The following DCAF6 variants were observed in gnomAD, a reference collection of about 807,000 sequenced individuals.
DCAF6 encodes the protein DDB1- and CUL4-associated factor 6.
Under a neutral mutation model 125.1 loss-of-function variants are expected in DCAF6, and 54 were observed. The observed-to-expected ratio is 0.43, with a 90% CI of 0.35 to 0.54. The LOEUF is 0.54. DCAF6 is among the 20% of genes least tolerant of loss of function. The pLI, the probability that DCAF6 is intolerant of heterozygous loss-of-function variation, is 0.01. For synonymous variants in DCAF6, 371 were observed against 390.4 expected, an observed-to-expected ratio of 0.95 and a Z score of 0.58; for missense variants, 934 against 1,161.7, an observed-to-expected ratio of 0.80 and a Z score of 2.85.
At position 168,002,573 on chromosome 1, in the gene DCAF6, A is replaced by G. The variant is rs761628731; in HGVS notation, c.995A>G (p.Asp332Gly). The change falls in exon 8 of 22, where the codon GAT (aspartate) becomes GGT (glycine). Residue 332 changes from aspartate to glycine, a missense_variant and splice_region_variant. Physicochemically the swap from Asp to Gly is moderately conservative, Grantham distance 94. Transcript: ENST00000367840. ...AGGCCGGAGAGTGAACGAGAACGAG[A>G]TGGTAACTATACTTTGGTCAGCTTT... ...RARPESERER[D>G]GEQSPNVSLM... 1 of 1,611,836 alleles carries G rather than the reference A, an allele frequency of 6.2e-7. No homozygotes were observed. Among genetic ancestry groups the G allele is most frequent in the East Asian group, 2.2e-5 (1 of 44,824 alleles).
chr1:168,040,674 CAAG>C (rs1161608894), intron 13 of DCAF6, among the ~76,000 whole-genome samples: 13 of 149,790 alleles, frequency 8.7e-5, no homozygotes, highest in Admixed American at 7.3e-4. Flanking sequence ...TTTCTGTACA[CAAG>C]GAGCTGGCAT....
At chr1:167,918,442 T>C in the DCAF6 span, 1 of 860,820 alleles carries the variant, frequency 1.2e-6, no homozygotes, top group South Asian at 1.7e-5. Context: ...GCATACTCCA[T>C]TTCTTCTTTC....
chr1:167,979,990 G>A (rs1318122131), intron 4 of DCAF6, among the ~76,000 whole-genome samples: 1 of 152,074 alleles, frequency 6.6e-6, no homozygotes, highest in Non-Finnish European at 1.5e-5. Context: ...AGACCATCCT[G>A]GCCAACATGG....
intron 1 of DCAF6, among the ~76,000 whole-genome samples, chr1:167,946,355 T>A (rs1420509933): frequency 6.6e-6 from 1 of 152,202 alleles, no homozygotes. Context: ...ATAATTTTGA[T>A]GCCTTTTGTT....
rs764298238 is a variant in DCAF6 at position 168,066,383 on chromosome 1, C to T, written c.2603C>T (p.Ala868Val). The T allele has an allele frequency of 6.3e-7, 1 of 1,593,364 alleles. No individual in the cohort carries two copies. Among genetic ancestry groups the T allele is most frequent in the South Asian group, 1.2e-5 (1 of 86,526 alleles). ...ATATAAATTTTATTTCTAGTTTTAG[C>T]CTCATCTGGCATAGATTATGACATA... The part of the protein sequence containing the change: ...LQPHPFDPIL[A>V]SSGIDYDIKI... The change falls in exon 20 of 22, where the codon GCC becomes GTC. Residue 868 changes from alanine to valine, a missense_variant. Physicochemically the swap from Ala to Val is moderately conservative, Grantham distance 64 (BLOSUM62 0). Around this residue, in one of 5 missense-constraint regions of DCAF6, gnomAD observed 27 missense variants for 85.1 expected, o/e 0.32. Transcript: ENST00000367840.
intron 4 of DCAF6, among the ~76,000 whole-genome samples, chr1:167,979,370 C>G (rs889304730): frequency 6.6e-6 from 1 of 151,904 alleles, no homozygotes; most frequent in Non-Finnish European, 1.5e-5. Flanking sequence ...ATCAACAGCT[C>G]TCCTTTCTTC....
At chr1:168,053,698 C>G (rs979862988) in intron 17 of DCAF6, among the ~76,000 whole-genome samples, 1 of 152,172 alleles carries the variant, frequency 6.6e-6, no homozygotes, top group Non-Finnish European at 1.5e-5. Flanking sequence ...AGGGTGTTTA[C>G]TGGGGTCTGG....
At chr1:168,034,433 C>T (rs1687539719) in intron 12 of DCAF6, among the ~76,000 whole-genome samples, 1 of 152,058 alleles carries the variant, frequency 6.6e-6, no homozygotes, top group Admixed American at 6.5e-5. Context: ...TTCACTTGAG[C>T]CCAGAAGTTT....
At chr1:168,002,338 A>T in intron 7 of DCAF6, 144 bp from the exon 8 acceptor site, 1 of 627,838 alleles carries the variant, frequency 1.6e-6, no homozygotes, top group Non-Finnish European at 2.8e-6. Context: ...CGCTTATACC[A>T]GTGTCTTTCA....
At chr1:167,915,730 C>A in the DCAF6 span, among the ~76,000 whole-genome samples, 2 of 152,194 alleles carry the variant, frequency 1.3e-5, no homozygotes, top group African/African-American at 4.8e-5. Flanking sequence ...GGATTTCAGG[C>A]ATGCACCACC....
intron 3 of DCAF6, among the ~76,000 whole-genome samples, chr1:167,972,262 T>C (rs530672153): frequency 1.4e-4 from 21 of 152,376 alleles, no homozygotes; most frequent in Middle Eastern, 6.8e-3. Flanking sequence ...TGTATAGATT[T>C]GGTTTCAACA....
the DCAF6 span, among the ~76,000 whole-genome samples, chr1:167,912,441 A>G: frequency 1.3e-5 from 2 of 152,102 alleles, no homozygotes; most frequent in African/African-American, 4.8e-5. Context: ...GTAGAACATC[A>G]TGGCACCCTG....
At chr1:167,868,565 C>T in the DCAF6 span, among the ~76,000 whole-genome samples, 2 of 152,198 alleles carry the variant, frequency 1.3e-5, no homozygotes, top group South Asian at 4.2e-4. Flanking sequence ...GACTAGACAG[C>T]CCCCCACTAG....
At chr1:167,946,958 T>C (rs1673176174) in intron 1 of DCAF6, among the ~76,000 whole-genome samples, 1 of 152,230 alleles carries the variant, frequency 6.6e-6, no homozygotes, top group Admixed American at 6.5e-5. Context: ...TATTACTTCT[T>C]CTTTGTACAT....
At chr1:168,052,073 G>C (rs1047668434) in intron 17 of DCAF6, among the ~76,000 whole-genome samples, 1 of 151,910 alleles carries the variant, frequency 6.6e-6, no homozygotes, top group Non-Finnish European at 1.5e-5. Context: ...GTAGAGACAG[G>C]GTTGGTCACC....
intron 12 of DCAF6, among the ~76,000 whole-genome samples, chr1:168,029,756 G>A (rs1469415771): frequency 1.3e-5 from 2 of 152,070 alleles, no homozygotes; most frequent in Admixed American, 6.5e-5. Context: ...TGAGGTGGGC[G>A]AATCACGAGG....
chr1:167,918,758 T>A, the DCAF6 span, among the ~76,000 whole-genome samples: 1 of 152,002 alleles, frequency 6.6e-6, no homozygotes, highest in Non-Finnish European at 1.5e-5. Flanking sequence ...CACTTCTGGC[T>A]AATTTTTTGT....
the DCAF6 span, chr1:167,880,456 A>G: frequency 6.7e-7 from 1 of 1,498,806 alleles, no homozygotes; most frequent in East Asian, 2.3e-5. Context: ...CAAAAGGGTC[A>G]GGGACCGCTG....
intron 4 of DCAF6, among the ~76,000 whole-genome samples, chr1:167,976,783 G>GATTT (rs1194699782): frequency 6.8e-6 from 1 of 146,558 alleles, no homozygotes; most frequent in African/African-American, 2.5e-5. Context: ...TGTTTGTTTA[G>GATTT]ATTTACCTGC....
Sources: allele counts gnomAD v4.1 joint callset (sites outside exome capture counted in the v4.1 genomes callset), GRCh38; gene constraint gnomAD v4.1.1; regional missense constraint gnomAD v4.1.1; transcripts MANE v1.5; gene names NCBI Gene and HGNC (gene_info 2026-07-23, HGNC 2026-07-21).